BASP1: variants seen among roughly 807,000 people sequenced by gnomAD.
BASP1 encodes the protein brain abundant membrane attached signal protein 1.
A neutral mutation model predicts 2.2 loss-of-function variants in BASP1; 1 was observed. The observed-to-expected ratio is 0.46, with a 90% CI of 0.16 to 2.17. BASP1 has a LOEUF of 2.17. Ranked by LOEUF, BASP1 falls within the 30% of genes most tolerant of loss-of-function variation. The probability of loss-of-function intolerance (pLI) is 0.27; values close to 1 mark genes in which losing one functional copy is unlikely to be tolerated. For synonymous variants in BASP1, 187 were observed against 154.2 expected (o/e 1.21, Z -1.58); for missense variants, 352 against 327.2 (o/e 1.08, Z -0.58).
chr5:17,241,085 G>A (rs890015014), intron 1 of BASP1, among the ~76,000 whole-genome samples: 2 of 151,144 alleles, frequency 1.3e-5, no homozygotes, highest in Non-Finnish European at 2.9e-5. Flanking sequence ...GCTTTACACA[G>A]ATTGACATTT....
In BASP1 at chr5:17,275,183, T is replaced by C. The variant is rs1358090506; in HGVS notation, c.-9-25T>C. 6.2e-7 allele frequency: 1 copy of C among 1,606,832 alleles called. No individual in the cohort carries two copies. The highest frequency in any genetic ancestry group is 8.5e-7 in the Non-Finnish European group (1 of 1,176,250). Reference sequence around the variant, plus strand: ...CACACTTGCCTAGTAACCGCCGTTTTGTTTTGTTTTGTGTTTGCTTCCAGA... The same window carrying C: ...CACACTTGCCTAGTAACCGCCGTTTCGTTTTGTTTTGTGTTTGCTTCCAGA... On this transcript the variant is annotated intron_variant, in intron 1 of 1. Coordinates refer to ENST00000322611, the MANE Select transcript of BASP1 (RefSeq NM_006317.5). This position sits in a 1 kb window ranked among gnomAD's most constrained non-coding sequence, Gnocchi z 5.3.
intron 1 of BASP1, among the ~76,000 whole-genome samples, chr5:17,270,486 A>AT (rs1334427349): frequency 6.6e-6 from 1 of 152,254 alleles, no homozygotes; most frequent in Non-Finnish European, 1.5e-5. Flanking sequence ...AGAAGTAGAG[A>AT]TTTTACCTTT....
intron 1 of BASP1, among the ~76,000 whole-genome samples, chr5:17,270,236 A>G (rs150579715): frequency 0.028 from 4,259 of 152,090 alleles, 197 homozygotes; most frequent in African/African-American, 0.094. Context: ...TTGACCTCAG[A>G]TGATCTGCCC....
chr5:17,220,690 G>A (rs1020708515), intron 1 of BASP1, among the ~76,000 whole-genome samples: 47 of 152,142 alleles, frequency 3.1e-4, no homozygotes, highest in Admixed American at 2.0e-4. Flanking sequence ...TAGTTTAAAG[G>A]TCCAATGGGA....
intron 1 of BASP1, among the ~76,000 whole-genome samples, chr5:17,255,963 TGA>T: frequency 1.3e-5 from 2 of 152,292 alleles, no homozygotes; most frequent in South Asian, 4.1e-4. Flanking sequence ...AGGCATGGGC[TGA>T]GTGTGTAGGG....
At chr5:17,246,776 T>A (rs985559270) in intron 1 of BASP1, among the ~76,000 whole-genome samples, 1 of 152,212 alleles carries the variant, frequency 6.6e-6, no homozygotes, top group Non-Finnish European at 1.5e-5. Flanking sequence ...AATCCTTCTG[T>A]GGAAAGTCTT....
chr5:17,241,126 G>A (rs1365349515), intron 1 of BASP1, among the ~76,000 whole-genome samples: 1 of 148,738 alleles, frequency 6.7e-6, no homozygotes, highest in Non-Finnish European at 1.5e-5. Context: ...TTGAGGCCGA[G>A]TTTTGCTCTG....
At position 17,217,805 on chromosome 5, in the gene BASP1, G is replaced by A. The variant is rs1362311867; in HGVS notation, c.-15G>A. ...AACTCAGGGGCTGCATAGGCACCCA[G>A]AGCCGGTAAGGAGGCGCGCCCGGTG... On this transcript the variant is annotated 5_prime_UTR_variant, in exon 1 of 2. Transcript: ENST00000322611. The A allele has an allele frequency of 3.9e-5, 6 of 151,986 alleles. No homozygotes were observed. The highest frequency in any genetic ancestry group is 3.3e-4 in the Admixed American group (5 of 15,238). 9.4% of individuals were successfully genotyped at this position (151,986 alleles called of 1,614,324 possible). A position where few individuals can be genotyped will look rare whatever the true frequency, so the allele number is the denominator to read the frequency against.
At position 17,241,895 on chromosome 5, in the gene BASP1, C is replaced by T. The variant is rs79837124; in HGVS notation, c.-10+24085C>T. 2.5e-3 allele frequency among the ~76,000 whole-genome samples: 374 copies of T among 152,286 alleles called. 7 individuals are homozygous for T. The East Asian group carries it at 0.051, about 21-fold the overall frequency. Reference sequence around the variant, plus strand: ...AGCTGGCACGCAAACTCAGGGCTTTCTGAAACACAAACTTCAGCATTTAAT... The same window carrying T: ...AGCTGGCACGCAAACTCAGGGCTTTTTGAAACACAAACTTCAGCATTTAAT... On this transcript the variant is annotated intron_variant, in intron 1 of 1. Coordinates refer to ENST00000322611, the MANE Select transcript of BASP1 (RefSeq NM_006317.5).
chr5:17,231,707 C>T (rs533765026), intron 1 of BASP1, among the ~76,000 whole-genome samples: 2 of 152,310 alleles, frequency 1.3e-5, no homozygotes, highest in South Asian at 4.1e-4. Context: ...CACCTCCTGG[C>T]ACTGGGCATT....
chr5:17,264,286 G>A (rs1740373939), intron 1 of BASP1, among the ~76,000 whole-genome samples: 1 of 152,146 alleles, frequency 6.6e-6, no homozygotes, highest in South Asian at 2.1e-4. Context: ...ATATAAAAAA[G>A]AATTTTTTCC....
In BASP1 at chr5:17,241,982, T is replaced by C. The variant is rs74427006; in HGVS notation, c.-10+24172T>C. Among the ~76,000 whole-genome samples, 386 of 152,192 alleles carry C rather than the reference T, an allele frequency of 2.5e-3. 8 individuals are homozygous for C. In the East Asian group the frequency reaches 0.053, roughly 21 times the overall value. Reference sequence around the variant, plus strand: ...TGAACTGCACTGTGTCTCTACAAAATGCGAGTGTCCCACATTTTAAGGGTG... The same window carrying C: ...TGAACTGCACTGTGTCTCTACAAAACGCGAGTGTCCCACATTTTAAGGGTG... On this transcript the variant is annotated intron_variant, in intron 1 of 1. Transcript: ENST00000322611.
chr5:17,219,100 C>G (rs1370434856), intron 1 of BASP1, among the ~76,000 whole-genome samples: 2 of 152,064 alleles, frequency 1.3e-5, no homozygotes, highest in Admixed American at 1.3e-4. Context: ...GTGGACCGAC[C>G]CCCCACCCCC....
rs529372708 is a variant in BASP1, at chr5:17,246,203, C to T, written c.-10+28393C>T. On this transcript the variant is annotated intron_variant, in intron 1 of 1. Coordinates refer to ENST00000322611, the MANE Select transcript of BASP1 (RefSeq NM_006317.5). The stretch of plus-strand genomic sequence containing the variant: ...AACACTGTAAAATAAAAGACCTGGC[C>T]GGGCGCGGTGGCTCACGCCTGTAAT... 6.6e-5 allele frequency among the ~76,000 whole-genome samples: 10 copies of T among 152,180 alleles called. No homozygotes were observed. The East Asian group carries it at 1.4e-3, about 21-fold the overall frequency.
chr5:17,272,441 G>A (rs1437522985), intron 1 of BASP1, among the ~76,000 whole-genome samples: 1 of 152,098 alleles, frequency 6.6e-6, no homozygotes, highest in Non-Finnish European at 1.5e-5. Context: ...TTCCTTATGG[G>A]TAAAAGGAGA....
chr5:17,252,981 C>T (rs1231299501), intron 1 of BASP1, among the ~76,000 whole-genome samples: 1 of 152,178 alleles, frequency 6.6e-6, no homozygotes, highest in Non-Finnish European at 1.5e-5. Flanking sequence ...GATAATAGGT[C>T]AATGAATGGC....
chr5:17,243,585 C>T (rs1016206873), intron 1 of BASP1, among the ~76,000 whole-genome samples: 36 of 152,316 alleles, frequency 2.4e-4, no homozygotes, highest in African/African-American at 7.5e-4. Flanking sequence ...TTGGCTGTTC[C>T]TGCCATTCTC....
At chr5:17,248,833 G>A (rs1018482336) in intron 1 of BASP1, among the ~76,000 whole-genome samples, 3 of 152,172 alleles carry the variant, frequency 2.0e-5, no homozygotes, top group African/African-American at 7.2e-5. Context: ...TAAAAAGCAC[G>A]TTTACATGTG....
intron 1 of BASP1, among the ~76,000 whole-genome samples, chr5:17,221,764 TAGGA>T (rs957282631): frequency 9.9e-5 from 15 of 152,160 alleles, no homozygotes; most frequent in African/African-American, 3.6e-4. Context: ...GGACAACTAT[TAGGA>T]AGGAACTGTG....
Sources: gnomAD v4.1 joint callset for allele counts (sites outside exome capture counted in the v4.1 genomes callset) on GRCh38, gnomAD v4.1.1 for gene constraint, Gnocchi (gnomAD v3.1) non-coding constraint, MANE v1.5 for transcripts, NCBI Gene and HGNC (gene_info 2026-07-23, HGNC 2026-07-21) for gene names.